Variants in NIPA1 observed in about 807,000 individuals in gnomAD.
The protein encoded by NIPA1 is NIPA magnesium transporter 1, also known as magnesium transporter NIPA1.
NIPA1 carries 13 observed loss-of-function variants against 23.9 expected under a neutral mutation model. That is an observed-to-expected ratio of 0.54 (90% CI 0.35 to 0.87). The LOEUF is 0.87. Among genes scored for constraint, NIPA1 ranks in the 40% least tolerant of loss-of-function variants. The pLI is 0.01. For synonymous variants in NIPA1, 234 were observed against 202.9 expected (o/e 1.15, Z -1.30); for missense variants, 362 against 429.7 (o/e 0.84, Z 1.39).
At chr15:22,795,810 G>GTGCC (rs1485192462) in intron 1 of NIPA1, among the ~76,000 whole-genome samples, 1 of 152,190 alleles carries the variant, frequency 6.6e-6, no homozygotes, top group East Asian at 1.9e-4. Context: ...ATCCTCACAC[G>GTGCC]TGCCTGGTCA....
At position 22,824,248 on chromosome 15, in the gene NIPA1, A is replaced by C; in HGVS notation, c.*9A>C. 6.2e-7 allele frequency: 1 copy of C among 1,611,382 alleles called. No homozygotes were observed. The highest frequency in any genetic ancestry group is 8.5e-7 in the Non-Finnish European group (1 of 1,177,482). The stretch of plus-strand genomic sequence containing the variant: ...ATATGAAAACAGACTAGATTGCAAT[A>C]GGAGCTTGGATGGTTCGAGGAATAG... On this transcript the variant is annotated 3_prime_UTR_variant, in exon 5 of 5. Transcript: ENST00000337435. This position sits in a 1 kb window ranked among gnomAD's most constrained non-coding sequence, Gnocchi z 4.1.
chr15:22,815,189 T>C (rs769172932), intron 3 of NIPA1, among the ~76,000 whole-genome samples: 1 of 152,216 alleles, frequency 6.6e-6, no homozygotes, highest in Non-Finnish European at 1.5e-5. Context: ...AGTAGAGATA[T>C]TCAGATTCTC....
intron 2 of NIPA1, among the ~76,000 whole-genome samples, chr15:22,811,578 T>C (rs951069119): frequency 6.6e-6 from 1 of 152,168 alleles, no homozygotes; most frequent in Admixed American, 6.5e-5. Context: ...CACTCCAGCC[T>C]GGCTGACAGA....
intron 1 of NIPA1, among the ~76,000 whole-genome samples, chr15:22,809,529 G>C (rs998521679): frequency 1.3e-5 from 2 of 152,268 alleles, no homozygotes; most frequent in Non-Finnish European, 2.9e-5. Context: ...CGGATCACCT[G>C]AGGTCAGGAG....
chr15:22,805,970 C>T (rs1049420423), intron 1 of NIPA1, among the ~76,000 whole-genome samples: 1 of 152,088 alleles, frequency 6.6e-6, no homozygotes, highest in African/African-American at 2.4e-5. Context: ...GTCGCCCAGG[C>T]TGGAGTGCAG....
intron 1 of NIPA1, among the ~76,000 whole-genome samples, chr15:22,804,614 T>C (rs1283148509): frequency 6.6e-6 from 1 of 152,156 alleles, no homozygotes; most frequent in Non-Finnish European, 1.5e-5. Flanking sequence ...TAAGCCACGT[T>C]GAGTTACAGG....
At chr15:22,789,534 G>A (rs1894786393) in intron 1 of NIPA1, among the ~76,000 whole-genome samples, 1 of 152,260 alleles carries the variant, frequency 6.6e-6, no homozygotes, top group African/African-American at 2.4e-5. Context: ...GAGAGGAATT[G>A]TTTTGGGATT....
At chr15:22,800,234 C>T (rs1310862164) in intron 1 of NIPA1, among the ~76,000 whole-genome samples, 1 of 152,102 alleles carries the variant, frequency 6.6e-6, no homozygotes, top group Non-Finnish European at 1.5e-5. Context: ...CCAACCCCAC[C>T]CACACCCCTG....
rs1212961221 is a variant in NIPA1, at chr15:22,798,674, C to T, written c.178+11840C>T. 2.0e-5 allele frequency among the ~76,000 whole-genome samples: 3 copies of T among 149,830 alleles called. 1 individual carries two copies. The highest frequency in any genetic ancestry group is 2.0e-4 in the East Asian group (1 of 4,974). ...CCATCCTGGCCAACACGGTGAATCC[C>T]CGTCTCTACTAAAAATACAAAAAAT... On this transcript the variant is annotated intron_variant, in intron 1 of 4. Transcript: ENST00000337435.
Position 22,826,213 on chromosome 15 carries a change from C to A in NIPA1, c.*1974C>A, listed in dbSNP as rs6606823. 0.94 allele frequency: 142,942 copies of A among 152,300 alleles called. 67,167 individuals are homozygous for A. Among genetic ancestry groups the A allele is most frequent in the East Asian group, 1 (5,182 of 5,186 alleles). The allele number at this position is 152,300 out of a possible 1,614,324, so 9.4% of individuals were successfully genotyped here. ...GAGAAAAATACCTTTATGGAGTAAA[C>A]GTGTACATGATGATCATGGGTTGTC... On this transcript the variant is annotated 3_prime_UTR_variant, in exon 5 of 5. Transcript: ENST00000337435.
intron 3 of NIPA1, chr15:22,814,261 T>TG (rs970287706): frequency 2.9e-6 from 1 of 346,890 alleles, no homozygotes; most frequent in African/African-American, 2.1e-5. Context: ...GAGTTTTTTT[T>TG]TTGTTTTTTT....
intron 3 of NIPA1, among the ~76,000 whole-genome samples, chr15:22,817,041 G>T (rs576766409): frequency 6.6e-6 from 1 of 150,892 alleles, no homozygotes; most frequent in South Asian, 2.1e-4. Flanking sequence ...AAAAAAATCA[G>T]CCAGGTGTGG....
chr15:22,821,175 C>A (rs547317216), intron 4 of NIPA1, among the ~76,000 whole-genome samples: 84 of 151,922 alleles, frequency 5.5e-4, no homozygotes, highest in African/African-American at 1.7e-3. Context: ...TCATGTTAGC[C>A]AGGATGGTCT....
chr15:22,808,800 G>C, intron 1 of NIPA1, among the ~76,000 whole-genome samples: 1 of 151,106 alleles, frequency 6.6e-6, no homozygotes, highest in Non-Finnish European at 1.5e-5. Flanking sequence ...CTCCTGAATA[G>C]CTGGGACCAC....
intron 1 of NIPA1, among the ~76,000 whole-genome samples, chr15:22,788,974 T>C (rs1369857048): frequency 6.6e-6 from 1 of 150,486 alleles, no homozygotes; most frequent in Non-Finnish European, 1.5e-5. Context: ...TACTATGCTT[T>C]CATTCATTTA....
At chr15:22,806,111 G>A (rs1895205127) in intron 1 of NIPA1, among the ~76,000 whole-genome samples, 1 of 152,134 alleles carries the variant, frequency 6.6e-6, no homozygotes, top group African/African-American at 2.4e-5. Context: ...TTTTAGCAGA[G>A]ACGGGGTTTC....
intron 3 of NIPA1, among the ~76,000 whole-genome samples, chr15:22,816,766 C>T (rs541154133): frequency 6.6e-6 from 1 of 151,768 alleles, no homozygotes; most frequent in South Asian, 2.1e-4. Context: ...GCTGGGATTA[C>T]AGGCATGAGC....
rs372614917 is a variant in NIPA1 at position 22,812,266 on chromosome 15, A to G, written c.317+13A>G. 6 of 1,586,446 alleles carry G rather than the reference A, an allele frequency of 3.8e-6. No homozygotes were observed. On this transcript the variant is annotated intron_variant, in intron 3 of 4. Transcript: ENST00000337435. ...GAGTACCGTTCGGGTGAGAGCCAAG[A>G]TTGTGTTTGGTATTTAATGTGTAGT...
intron 1 of NIPA1, among the ~76,000 whole-genome samples, chr15:22,804,097 G>T (rs575465072): frequency 6.6e-6 from 1 of 151,008 alleles, no homozygotes; most frequent in South Asian, 2.1e-4. Context: ...CTGCGTCAGC[G>T]TCCTGAGTAG....
Sources: gnomAD v4.1 joint callset for allele counts (sites outside exome capture counted in the v4.1 genomes callset) on GRCh38, gnomAD v4.1.1 for gene constraint, Gnocchi (gnomAD v3.1) non-coding constraint, MANE v1.5 for transcripts, NCBI Gene and HGNC (gene_info 2026-07-23, HGNC 2026-07-21) for gene names.